The following SLC6A11 variants were observed in gnomAD, a reference collection of about 807,000 sequenced individuals.
The protein encoded by SLC6A11 is solute carrier family 6 member 11.
A neutral mutation model predicts 74.8 loss-of-function variants in SLC6A11; 25 were observed. The observed-to-expected ratio is 0.33, with a 90% CI of 0.24 to 0.47. SLC6A11 has a LOEUF of 0.47. Among genes scored for constraint, SLC6A11 ranks in the 20% least tolerant of loss-of-function variants. SLC6A11 has a pLI of 1.00. For synonymous variants in SLC6A11, 330 were observed against 330.2 expected, an observed-to-expected ratio of 1.00 and a Z score of 0.01; for missense variants, 574 against 837.0, an observed-to-expected ratio of 0.69 and a Z score of 3.88.
intron 5 of SLC6A11, among the ~76,000 whole-genome samples, chr3:10,855,564 G>C (rs968941182): frequency 2.6e-5 from 4 of 152,198 alleles, no homozygotes; most frequent in African/African-American, 9.7e-5. Flanking sequence ...TGTCAAGCTT[G>C]TGGGTCCAGG....
intron 5 of SLC6A11, among the ~76,000 whole-genome samples, chr3:10,862,116 C>G (rs1694709867): frequency 6.6e-6 from 1 of 152,302 alleles, no homozygotes; most frequent in African/African-American, 2.4e-5. Context: ...AGTGTCCCCC[C>G]ACTGGCACAT....
chr3:10,860,243 C>A (rs1300265302), intron 5 of SLC6A11, among the ~76,000 whole-genome samples: 1 of 152,200 alleles, frequency 6.6e-6, no homozygotes, highest in East Asian at 1.9e-4. Context: ...TTTTATCTAA[C>A]AAAACCCTTA....
intron 4 of SLC6A11, among the ~76,000 whole-genome samples, chr3:10,841,965 G>A (rs966275791): frequency 1.3e-5 from 2 of 152,232 alleles, no homozygotes; most frequent in Non-Finnish European, 1.5e-5. Context: ...GTCAGCAGCA[G>A]CCCAGATTCC....
At chr3:10,925,006 G>A (rs1184437406) in intron 8 of SLC6A11, among the ~76,000 whole-genome samples, 3 of 152,104 alleles carry the variant, frequency 2.0e-5, no homozygotes, top group South Asian at 2.1e-4. Flanking sequence ...AAACTAGTCC[G>A]AGGACGAAAA....
intron 6 of SLC6A11, among the ~76,000 whole-genome samples, chr3:10,892,055 G>A (rs1695113481): frequency 6.6e-6 from 1 of 152,238 alleles, no homozygotes; most frequent in African/African-American, 2.4e-5. Flanking sequence ...CAGATGCAGT[G>A]TGTTCTGATG....
At chr3:10,882,334 C>G (rs1031791453) in intron 6 of SLC6A11, among the ~76,000 whole-genome samples, 1 of 152,158 alleles carries the variant, frequency 6.6e-6, no homozygotes, top group African/African-American at 2.4e-5. Flanking sequence ...CCCGCCCGAC[C>G]GGTGCAGTCA....
At position 10,934,590 on chromosome 3, in the gene SLC6A11, T is replaced by A. The variant is rs867718269; in HGVS notation, c.1575+424T>A. 2.0e-5 allele frequency among the ~76,000 whole-genome samples: 3 copies of A among 152,198 alleles called. No individual in the cohort carries two copies. In the South Asian group the frequency reaches 6.2e-4, roughly 31 times the overall value. On this transcript the variant is annotated intron_variant, in intron 12 of 13. Transcript: ENST00000254488. The stretch of plus-strand genomic sequence containing the variant: ...ACAGCGGGGCCTTTGTGAGCAGACA[T>A]TTAATTAAAAAACATCCTATCACTC...
At position 10,864,352 on chromosome 3, in the gene SLC6A11, C is replaced by T. The variant is rs111761586; in HGVS notation, c.757-10609C>T. Reference sequence around the variant, plus strand: ...TGTGACCTCTCAGGGTTGGGAGGGGCGTTTTCCTGTCAGTATCTGAGAAGT... The same window carrying T: ...TGTGACCTCTCAGGGTTGGGAGGGGTGTTTTCCTGTCAGTATCTGAGAAGT... On this transcript the variant is annotated intron_variant, in intron 5 of 13. Transcript: ENST00000254488. 2.5e-4 allele frequency among the ~76,000 whole-genome samples: 38 copies of T among 151,556 alleles called. 1 individual carries two copies. The East Asian group carries it at 5.8e-3, about 23-fold the overall frequency.
chr3:10,826,158 C>T (rs931324493), intron 4 of SLC6A11, among the ~76,000 whole-genome samples: 1 of 152,204 alleles, frequency 6.6e-6, no homozygotes, highest in Non-Finnish European at 1.5e-5. Flanking sequence ...AGCTAGTTCT[C>T]CATTTGTTTA....
intron 5 of SLC6A11, among the ~76,000 whole-genome samples, chr3:10,859,590 G>A (rs1367925853): frequency 1.3e-5 from 2 of 152,122 alleles, no homozygotes; most frequent in Non-Finnish European, 2.9e-5. Context: ...TTTTCCTGGA[G>A]CCTGTGGATG....
intron 5 of SLC6A11, among the ~76,000 whole-genome samples, chr3:10,869,420 A>T (rs1209123928): frequency 6.6e-6 from 1 of 152,260 alleles, no homozygotes; most frequent in African/African-American, 2.4e-5. Flanking sequence ...AGAAAGGACA[A>T]TGAGTTCTCA....
intron 4 of SLC6A11, among the ~76,000 whole-genome samples, chr3:10,838,884 G>T (rs1184335213): frequency 1.3e-5 from 2 of 152,324 alleles, no homozygotes; most frequent in East Asian, 3.9e-4. Flanking sequence ...GAGGGTGTCA[G>T]GTGGTGCCGA....
chr3:10,904,656 C>T lies in SLC6A11; in HGVS notation c.892-7434C>T, dbSNP rs570828131. On this transcript the variant is annotated intron_variant, in intron 6 of 13. Transcript: ENST00000254488. The stretch of plus-strand genomic sequence containing the variant: ...CTGGGAGATGCTGGTCAGTAGGGCT[C>T]AGTTGCCTGGTCTTCCTTTCATTGA... 8.9e-4 allele frequency among the ~76,000 whole-genome samples: 135 copies of T among 152,262 alleles called. 1 individual carries two copies. The highest frequency in any genetic ancestry group is 3.2e-3 in the African/African-American group (131 of 41,542).
intron 5 of SLC6A11, among the ~76,000 whole-genome samples, chr3:10,866,080 G>A (rs1694759826): frequency 2.0e-5 from 3 of 152,344 alleles, no homozygotes; most frequent in Middle Eastern, 3.4e-3. Flanking sequence ...CAGCATGGGT[G>A]TGAGCTGCCC....
chr3:10,852,425 C>T lies in SLC6A11; in HGVS notation c.756+8079C>T, dbSNP rs1201627644. On this transcript the variant is annotated intron_variant, in intron 5 of 13. Coordinates refer to ENST00000254488, the MANE Select transcript of SLC6A11 (RefSeq NM_014229.3). ...CATCTTGATTCAGCCCTTTCTCTGG[C>T]CTTGAATGACAGGGCTTCACCTTTA... is the stretch of plus-strand genomic sequence containing the variant. 2.0e-5 allele frequency among the ~76,000 whole-genome samples: 3 copies of T among 152,238 alleles called. No individual in the cohort carries two copies. In the East Asian group the frequency reaches 5.8e-4, roughly 29 times the overall value.
intron 10 of SLC6A11, among the ~76,000 whole-genome samples, chr3:10,931,238 A>T (rs1414025049): frequency 6.6e-6 from 1 of 152,172 alleles, no homozygotes; most frequent in Admixed American, 6.5e-5. Context: ...AACAGTGGAG[A>T]TAACACTAGT....
intron 6 of SLC6A11, among the ~76,000 whole-genome samples, chr3:10,878,644 A>C (rs1201099475): frequency 6.7e-6 from 1 of 149,260 alleles, no homozygotes; most frequent in Admixed American, 6.7e-5. Flanking sequence ...CAAACTCCTG[A>C]CCTCGTGATC....
intron 4 of SLC6A11, among the ~76,000 whole-genome samples, chr3:10,843,453 C>T (rs377350074): frequency 3.3e-5 from 5 of 152,276 alleles, no homozygotes; most frequent in Admixed American, 2.6e-4. Context: ...CACCTAAAAC[C>T]GTCTCCACTT....
At chr3:10,928,354 G>T (rs1695637083) in intron 9 of SLC6A11, among the ~76,000 whole-genome samples, 1 of 152,066 alleles carries the variant, frequency 6.6e-6, no homozygotes, top group South Asian at 2.1e-4. Flanking sequence ...CAGGGTGAGG[G>T]GTGTGCTCAG....
Sources: gnomAD v4.1 joint callset for allele counts (sites outside exome capture counted in the v4.1 genomes callset) on GRCh38, gnomAD v4.1.1 for gene constraint, MANE v1.5 for transcripts, NCBI Gene and HGNC (gene_info 2026-07-23, HGNC 2026-07-21) for gene names.